OPN1SW: variants seen among roughly 807,000 people sequenced by gnomAD.
OPN1SW encodes short-wave-sensitive opsin 1.
In OPN1SW, 25 loss-of-function variants were observed where a neutral mutation model predicts 31.9. That is an observed-to-expected ratio of 0.78 (90% confidence interval 0.57 to 1.09). OPN1SW has a LOEUF of 1.09. OPN1SW is among the 50% of genes least tolerant of loss of function. The pLI is 0.00. For missense variants in OPN1SW, 424 were observed against 448.0 expected (o/e 0.95, Z 0.48); for synonymous variants, 190 against 171.9 (o/e 1.11, Z -0.82).
At chr7:128,774,765 T>C in intron 2 of OPN1SW, 102 bp from the exon 3 acceptor site, 4 of 1,525,780 alleles carry the variant, frequency 2.6e-6, no homozygotes, top group Non-Finnish European at 3.6e-6. Context: ...CGGAATGCCC[T>C]AAGGCTTCAA....
chr7:128,772,569 C>G lies in OPN1SW; in HGVS notation c.1009G>C (p.Val337Leu), dbSNP rs1303243754. The G allele has an allele frequency of 6.2e-7, 1 of 1,614,174 alleles. No homozygotes were observed. The highest frequency in any genetic ancestry group is 1.1e-5 in the South Asian group (1 of 91,086). The change falls in exon 5 of 5, where the codon GTC (valine) becomes CTC (leucine). Residue 337 changes from valine to leucine, a missense_variant. Coordinates refer to ENST00000249389, the MANE Select transcript of OPN1SW (RefSeq NM_001385125.1). ...CSSQKTEVST[V>L]SSTQVGPN ...TTGGGGCCAACTTGGGTAGACGAGA[C>G]AGTAGAAACTTCTGTTTTCTGGGAG...
intron 4 of OPN1SW, among the ~76,000 whole-genome samples, chr7:128,773,327 C>T (rs987479796): frequency 7.9e-5 from 12 of 152,078 alleles, no homozygotes; most frequent in Non-Finnish European, 1.6e-4. Flanking sequence ...GCAGGATGTG[C>T]AGGTTTGTTA....
chr7:128,775,638 G>A lies in OPN1SW; in HGVS notation c.144C>T (p.Leu48=). 1 of 1,614,162 alleles carries A rather than the reference G, an allele frequency of 6.2e-7. No individual in the cohort carries two copies. The highest frequency in any genetic ancestry group is 2.2e-5 in the East Asian group (1 of 44,882). ...GTGTGGCCACCAGCACCATGGCATT[G>A]AGTGGGAACCCTATAAGGAAGACAG... ...MGTVFLIGFP[L]NAMVLVATLR... Residue 48 remains leucine, a synonymous_variant, in exon 1 of 5, where the codon CTC becomes CTT. Transcript: ENST00000249389.
Position 128,774,580 on chromosome 7 carries a change from C to A in OPN1SW, c.596G>T (p.Trp199Leu), listed in dbSNP as rs200180187. 187 of 1,613,978 alleles carry A rather than the reference C, an allele frequency of 1.2e-4. No homozygotes were observed. Among genetic ancestry groups the A allele is most frequent in the Non-Finnish European group, 1.6e-4 (185 of 1,180,032 alleles). Reference sequence around the variant, plus strand: ...AATGAAGCAGAAGATGAAGAGGAACCACGTATAGGACTCGCTGCGGTATTT... The same window carrying A: ...AATGAAGCAGAAGATGAAGAGGAACAACGTATAGGACTCGCTGCGGTATTT... Reference protein sequence around the residue: ...GTKYRSESYTWFLFIFCFIVP... With the variant: ...GTKYRSESYTLFLFIFCFIVP... Residue 199 changes from tryptophan (W) to leucine (L), a missense_variant, in exon 3 of 5, where the codon TGG becomes TTG. Coordinates refer to ENST00000249389, the MANE Select transcript of OPN1SW (RefSeq NM_001385125.1).
chr7:128,775,656 G>A lies in OPN1SW; in HGVS notation c.126C>T (p.Phe42=). 6.2e-7 allele frequency: 1 copy of A among 1,614,146 alleles called. No individual in the cohort carries two copies. Among genetic ancestry groups the A allele is most frequent in the Non-Finnish European group, 8.5e-7 (1 of 1,180,000 alleles). The change falls in exon 1 of 5, where the codon TTC becomes TTT. Residue 42 remains phenylalanine (F), a synonymous_variant. Transcript: ENST00000249389. The part of the protein sequence containing the change: ...YLQAAFMGTV[F]LIGFPLNAMV... ...TGGCATTGAGTGGGAACCCTATAAG[G>A]AAGACAGTGCCCATGAAAGCTGCCT...
At position 128,772,503 on chromosome 7, in the gene OPN1SW, T is replaced by C; in HGVS notation, c.*37A>G. Reference sequence around the variant, plus strand: ...TAGAAACTTACTTAAAAGTAAAATTTAATTCTAGCTGTTGCAAACAGGCCA... The same window carrying C: ...TAGAAACTTACTTAAAAGTAAAATTCAATTCTAGCTGTTGCAAACAGGCCA... On this transcript the variant is annotated 3_prime_UTR_variant, in exon 5 of 5. Coordinates refer to ENST00000249389, the MANE Select transcript of OPN1SW (RefSeq NM_001385125.1). The C allele has an allele frequency of 6.2e-7, 1 of 1,613,686 alleles. No homozygotes were observed. Among genetic ancestry groups the C allele is most frequent in the Non-Finnish European group, 8.5e-7 (1 of 1,179,604 alleles).
chr7:128,775,791 G>A lies in OPN1SW; in HGVS notation c.-10C>T. Reference sequence around the variant, plus strand: ...ACTCTTCCTCCGACATTTTTCTCATGGATGCCCCACACCCCCCTCTGAGTC... The same window carrying A: ...ACTCTTCCTCCGACATTTTTCTCATAGATGCCCCACACCCCCCTCTGAGTC... On this transcript the variant is annotated 5_prime_UTR_variant, in exon 1 of 5. Coordinates refer to ENST00000249389, the MANE Select transcript of OPN1SW (RefSeq NM_001385125.1). The A allele has an allele frequency of 6.2e-7, 1 of 1,613,206 alleles. No individual in the cohort carries two copies. The highest frequency in any genetic ancestry group is 8.5e-7 in the Non-Finnish European group (1 of 1,179,274).
At chr7:128,775,264 C>T in intron 1 of OPN1SW, 110 bp from the exon 2 acceptor site, 1 of 1,344,646 alleles carries the variant, frequency 7.4e-7, no homozygotes, top group African/African-American at 1.4e-5. Flanking sequence ...GCTGGACTGA[C>T]ATTTGGAGTG....
intron 4 of OPN1SW, 152 bp from the exon 5 acceptor site, chr7:128,772,811 C>T (rs1801642706): frequency 9.6e-7 from 1 of 1,041,646 alleles, no homozygotes; most frequent in South Asian, 1.4e-5. Flanking sequence ...ATCCTGAAAA[C>T]TATCTAGATT....
chr7:128,773,513 A>C (rs1255265210), intron 4 of OPN1SW, 136 bp downstream of exon 4: 6 of 1,190,056 alleles, frequency 5.0e-6, no homozygotes, highest in African/African-American at 1.5e-5. Context: ...AGGCTTCCCA[A>C]CCTACTCGGG....
intron 3 of OPN1SW, 93 bp from the exon 4 acceptor site, chr7:128,773,981 C>G (rs960417338): frequency 1.0e-5 from 14 of 1,389,608 alleles, no homozygotes; most frequent in Non-Finnish European, 1.3e-5. Context: ...TTTTAATTTT[C>G]TTTTTGAGAC....
chr7:128,775,278 A>C, intron 1 of OPN1SW, 124 bp from the exon 2 acceptor site: 1 of 1,292,914 alleles, frequency 7.7e-7, no homozygotes, highest in Non-Finnish European at 1.1e-6. Context: ...TGGAGTGAAG[A>C]CTCAAACATC....
intron 3 of OPN1SW, 89 bp downstream of exon 3, chr7:128,774,403 TATGGAC>T: frequency 6.6e-7 from 1 of 1,507,488 alleles, no homozygotes; most frequent in Non-Finnish European, 9.1e-7. Flanking sequence ...CCTCTCTGGC[TATGGAC>T]ATTTCCAGGC....
intron 4 of OPN1SW, 139 bp downstream of exon 4, chr7:128,773,510 C>G: frequency 1.7e-6 from 2 of 1,164,754 alleles, no homozygotes; most frequent in South Asian, 2.5e-5. Flanking sequence ...CAAAGGCTTC[C>G]CAACCTACTC....
Position 128,775,453 on chromosome 7 carries a change from A to C in OPN1SW, c.329T>G (p.Leu110Arg), listed in dbSNP as rs1257127453. Reference protein sequence around the residue: ...GRHVCALEGFLGTVAGLVTGW... With the variant: ...GRHVCALEGFRGTVAGLVTGW... ...CCCTGCAGTACCTGCTACAGTGCCC[A>C]GGAAGCCCTCCAAAGCACAAACATG... The change falls in exon 1 of 5, where the codon CTG becomes CGG. Residue 110 changes from leucine (L) to arginine (R), a missense_variant. By Grantham distance (102) the Leu-to-Arg change is moderately radical. Transcript: ENST00000249389. 15 of 1,613,538 alleles carry C rather than the reference A, an allele frequency of 9.3e-6. No individual in the cohort carries two copies. The highest frequency in any genetic ancestry group is 1.7e-5 in the Admixed American group (1 of 60,002).
At chr7:128,773,955 TTTTTTAA>T (rs1562888075) in intron 3 of OPN1SW, 67 bp from the exon 4 acceptor site, 1 of 1,517,932 alleles carries the variant, frequency 6.6e-7, no homozygotes, top group East Asian at 2.3e-5. Flanking sequence ...TTTTTTTTTT[TTTTTTAA>T]TTTTTAATTT....
rs1801628479 is a variant in OPN1SW, at chr7:128,772,581, C to A, written c.997G>T (p.Glu333Ter). ...TGGGTAGACGAGACAGTAGAAACTT[C>A]TGTTTTCTGGGAGCTGCATGTGTCG... is the stretch of plus-strand genomic sequence containing the variant. ...ESDTCSSQKT[E>*]VSTVSSTQVG... The change falls in exon 5 of 5, where the codon GAA (glutamate) becomes TAA (stop). Residue 333 changes from glutamate (E) to a stop codon, truncating the protein, a stop_gained. Transcript: ENST00000249389. LOFTEE classifies it high-confidence loss of function. The A allele has an allele frequency of 1.2e-6, 2 of 1,614,090 alleles. No homozygotes were observed. Among genetic ancestry groups the A allele is most frequent in the South Asian group, 1.1e-5 (1 of 91,092 alleles).
Position 128,775,661 on chromosome 7 carries a change from CAG to C in OPN1SW, c.119_120del (p.Thr40SerfsTer54), listed in dbSNP as rs764817802. The C allele has an allele frequency of 2.0e-5, 32 of 1,614,154 alleles. No individual in the cohort carries two copies. In the Admixed American group the frequency reaches 5.2e-4, roughly 26 times the overall value. ...AFYLQAAFMG[T>X]VFLIGFPLNA... The stretch of plus-strand genomic sequence containing the variant: ...TTGAGTGGGAACCCTATAAGGAAGA[CAG>C]TGCCCATGAAAGCTGCCTGGAGGTA... On this transcript the variant is annotated frameshift_variant, in exon 1 of 5. Transcript: ENST00000249389. LOFTEE classifies it high-confidence loss of function.
At chr7:128,773,560 T>G (rs1585027921) in intron 4 of OPN1SW, 89 bp downstream of exon 4, 1 of 1,564,934 alleles carries the variant, frequency 6.4e-7, no homozygotes. Flanking sequence ...GAAACCTGGG[T>G]AGAGTCCAGG....
Sources: allele counts gnomAD v4.1 joint callset (sites outside exome capture counted in the v4.1 genomes callset), GRCh38; gene constraint gnomAD v4.1.1; transcripts MANE v1.5; gene names NCBI Gene and HGNC (gene_info 2026-07-23, HGNC 2026-07-21).